ADAMTSL1: variants seen among roughly 807,000 people sequenced by gnomAD.
The protein encoded by ADAMTSL1 is ADAMTS like 1.
A neutral mutation model predicts 201.8 loss-of-function variants in ADAMTSL1; 126 were observed. That is an observed-to-expected ratio of 0.62 (90% CI 0.54 to 0.72). ADAMTSL1 has a LOEUF of 0.72. ADAMTSL1 is among the 30% of genes least tolerant of loss of function. The pLI, the probability that ADAMTSL1 is intolerant of heterozygous loss-of-function variation, is 0.00. For synonymous variants in ADAMTSL1, 1,121 were observed against 903.4 expected, an observed-to-expected ratio of 1.24 and a Z score of -4.32; for missense variants, 2,679 against 2,277.8, an observed-to-expected ratio of 1.18 and a Z score of -3.59.
intron 2 of ADAMTSL1, among the ~76,000 whole-genome samples, chr9:18,402,237 T>C (rs1352825402): frequency 2.6e-5 from 4 of 152,218 alleles, no homozygotes; most frequent in Admixed American, 1.3e-4. Context: ...ACCAGCTGCC[T>C]AAAATAAGAA....
At chr9:18,155,046 G>A (rs542814136) in intron 1 of ADAMTSL1, among the ~76,000 whole-genome samples, 1 of 152,106 alleles carries the variant, frequency 6.6e-6, no homozygotes, top group East Asian at 1.9e-4. Context: ...TACTTATAAT[G>A]CCAAAGCACT....
rs752168419 is a variant in ADAMTSL1 at position 18,626,839 on chromosome 9, T to TTTTCTTTCTTTC, written c.601+4488_601+4499dup. ...TTTCTTTCTTTCTTTCTTACTTTCT[T>TTTTCTTTCTTTC]TTTCTTTCTTTCTTTCTTTCTTTCT... is the stretch of plus-strand genomic sequence containing the variant. On this transcript the variant is annotated intron_variant, in intron 5 of 28. Transcript: ENST00000380548. Among the ~76,000 whole-genome samples the TTTTCTTTCTTTC allele has an allele frequency of 5.9e-3, 779 of 131,524 alleles. 3 individuals carry two copies. The highest frequency in any genetic ancestry group is 0.012 in the Middle Eastern group (3 of 248). The allele number at this position is 131,524 out of a possible 152,430, so 86.3% of individuals were successfully genotyped here.
chr9:18,696,603 A>G (rs932227005), intron 13 of ADAMTSL1, among the ~76,000 whole-genome samples: 4 of 152,140 alleles, frequency 2.6e-5, no homozygotes, highest in African/African-American at 9.7e-5. Context: ...TCCAGCAGAA[A>G]GACGATGTTA....
At chr9:18,305,866 A>G (rs1271785903) in intron 2 of ADAMTSL1, among the ~76,000 whole-genome samples, 1 of 152,142 alleles carries the variant, frequency 6.6e-6, no homozygotes, top group Non-Finnish European at 1.5e-5. Flanking sequence ...ACTAAGAGAC[A>G]GACTGCCTCC....
chr9:18,214,079 G>C (rs567244403), intron 2 of ADAMTSL1, among the ~76,000 whole-genome samples: 86 of 152,198 alleles, frequency 5.7e-4, no homozygotes, highest in African/African-American at 2.0e-3. Context: ...CGTATTTAGT[G>C]TATTTTTGTT....
At chr9:18,301,872 G>GTGTGTACAT (rs1180638298) in intron 2 of ADAMTSL1, among the ~76,000 whole-genome samples, 1 of 152,150 alleles carries the variant, frequency 6.6e-6, no homozygotes, top group Non-Finnish European at 1.5e-5. Flanking sequence ...TTGAAATTGT[G>GTGTGTACAT]TGTGTACATT....
chr9:18,713,617 C>A (rs1832740176), intron 14 of ADAMTSL1, among the ~76,000 whole-genome samples: 1 of 150,580 alleles, frequency 6.6e-6, no homozygotes, highest in Admixed American at 6.6e-5. Flanking sequence ...GAGTGACCTA[C>A]AAAGAGACTT....
At chr9:18,312,899 A>G (rs1458849604) in intron 2 of ADAMTSL1, among the ~76,000 whole-genome samples, 1 of 152,240 alleles carries the variant, frequency 6.6e-6, no homozygotes, top group Non-Finnish European at 1.5e-5. Flanking sequence ...CCAGCCAGTA[A>G]CGCATGCACT....
intron 16 of ADAMTSL1, among the ~76,000 whole-genome samples, chr9:18,764,195 A>T (rs762879964): frequency 6.6e-6 from 1 of 152,160 alleles, no homozygotes; most frequent in Non-Finnish European, 1.5e-5. Context: ...ACTTTTCATT[A>T]TAGGGATATT....
chr9:18,358,143 C>T (rs1044337229), intron 2 of ADAMTSL1, among the ~76,000 whole-genome samples: 2 of 152,106 alleles, frequency 1.3e-5, no homozygotes, highest in Admixed American at 1.3e-4. Flanking sequence ...TTTAGAATAC[C>T]AGTATATACT....
intron 4 of ADAMTSL1, among the ~76,000 whole-genome samples, chr9:18,615,343 G>A (rs571322871): frequency 3.3e-5 from 5 of 152,320 alleles, no homozygotes; most frequent in East Asian, 1.9e-4. Flanking sequence ...GGAGGTGACC[G>A]CAGGTGTTGT....
intron 2 of ADAMTSL1, among the ~76,000 whole-genome samples, chr9:18,258,873 C>G (rs1831801464): frequency 6.6e-6 from 1 of 152,304 alleles, no homozygotes; most frequent in African/African-American, 2.4e-5. Flanking sequence ...TGGCTTCTCT[C>G]CTGATTATTG....
chr9:18,154,788 GAA>G lies in ADAMTSL1; in HGVS notation c.88-9071_88-9070del, dbSNP rs540156699. Among the ~76,000 whole-genome samples the G allele has an allele frequency of 9.2e-5, 14 of 152,192 alleles. No individual in the cohort carries two copies. In the South Asian group the frequency reaches 2.5e-3, roughly 27 times the overall value. The stretch of plus-strand genomic sequence containing the variant: ...CAAGAATGACAGAAATGGGTGGGAA[GAA>G]AAGAGTGGACATTGAAGAATGCTTG... On this transcript the variant is annotated intron_variant, in intron 1 of 29. Transcript: ENST00000680146.
intron 2 of ADAMTSL1, among the ~76,000 whole-genome samples, chr9:18,249,273 A>G (rs1402807615): frequency 6.6e-6 from 1 of 152,232 alleles, no homozygotes; most frequent in Non-Finnish European, 1.5e-5. Flanking sequence ...ATAAATGCAC[A>G]TTCTAGACGT....
intron 8 of ADAMTSL1, among the ~76,000 whole-genome samples, chr9:18,658,730 T>C (rs2132994301): frequency 6.6e-6 from 1 of 152,354 alleles, no homozygotes; most frequent in African/African-American, 2.4e-5. Flanking sequence ...ATAATTATAG[T>C]GTTTACATAA....
chr9:18,220,344 G>A (rs1481660409), intron 2 of ADAMTSL1, among the ~76,000 whole-genome samples: 3 of 152,074 alleles, frequency 2.0e-5, no homozygotes, highest in African/African-American at 7.2e-5. Context: ...GATAAATGGT[G>A]AATTTCTCCT....
At chr9:18,532,208 T>C (rs1483126477) in intron 2 of ADAMTSL1, among the ~76,000 whole-genome samples, 1 of 152,208 alleles carries the variant, frequency 6.6e-6, no homozygotes, top group African/African-American at 2.4e-5. Context: ...TTGATTGTTT[T>C]TGTTCATAGG....
chr9:18,603,138 T>C (rs950517875), intron 4 of ADAMTSL1, among the ~76,000 whole-genome samples: 4 of 152,174 alleles, frequency 2.6e-5, no homozygotes, highest in South Asian at 4.1e-4. Flanking sequence ...TTAATAGTAA[T>C]GGTAGGTGTT....
intron 16 of ADAMTSL1, among the ~76,000 whole-genome samples, chr9:18,759,040 G>A (rs1436797631): frequency 6.6e-6 from 1 of 152,180 alleles, no homozygotes; most frequent in Non-Finnish European, 1.5e-5. Flanking sequence ...GAAAAGAATT[G>A]GTCCACTTTG....
Sources: gnomAD v4.1 joint callset for allele counts (sites outside exome capture counted in the v4.1 genomes callset) on GRCh38, gnomAD v4.1.1 for gene constraint, MANE v1.5 for transcripts, NCBI Gene and HGNC (gene_info 2026-07-23, HGNC 2026-07-21) for gene names.